Variants in CD247 observed in about 807,000 individuals in gnomAD.
CD247 encodes the protein CD247 molecule.
Under a neutral mutation model 30.0 loss-of-function variants are expected in CD247, and 13 were observed. The observed-to-expected ratio is 0.43, with a 90% CI of 0.28 to 0.69. CD247 has a LOEUF of 0.69. Ranked by LOEUF, CD247 falls within the 30% of genes least tolerant of loss-of-function variation. The pLI is 0.16. For missense variants in CD247, 193 were observed against 212.6 expected, an observed-to-expected ratio of 0.91 and a Z score of 0.57; for synonymous variants, 72 against 80.0, an observed-to-expected ratio of 0.90 and a Z score of 0.53.
rs777515158 is a variant in CD247 at position 167,438,546 on chromosome 1, A to G, written c.300+24T>C. On this transcript the variant is annotated intron_variant, in intron 4 of 7. Transcript: ENST00000362089. The stretch of plus-strand genomic sequence containing the variant: ...AGCCCCACCACACATGCAGGAACAC[A>G]CAGGAAGGTAGAGGAACCCCTACCG... The G allele has an allele frequency of 1.9e-5, 31 of 1,592,480 alleles. No individual in the cohort carries two copies. The East Asian group carries it at 6.9e-4, about 36-fold the overall frequency.
intron 1 of CD247, among the ~76,000 whole-genome samples, chr1:167,464,087 G>A (rs947688403): frequency 1.3e-5 from 2 of 152,024 alleles, no homozygotes; most frequent in Non-Finnish European, 2.9e-5. Flanking sequence ...GTGTTTGATT[G>A]CGCTAGTTTT....
intron 1 of CD247, among the ~76,000 whole-genome samples, chr1:167,476,089 G>A (rs1043777283): frequency 5.3e-5 from 8 of 152,008 alleles, no homozygotes; most frequent in African/African-American, 1.9e-4. Context: ...TTTTCTACAT[G>A]TTGAAACAGG....
At chr1:167,447,639 G>T (rs527377630) in intron 1 of CD247, among the ~76,000 whole-genome samples, 6 of 152,204 alleles carry the variant, frequency 3.9e-5, no homozygotes, top group Admixed American at 3.3e-4. Context: ...CCAAGTCCTG[G>T]TGTTGCTACT....
intron 1 of CD247, among the ~76,000 whole-genome samples, chr1:167,442,329 C>T (rs565245715): frequency 1.6e-4 from 25 of 152,214 alleles, no homozygotes; most frequent in Middle Eastern, 6.8e-3. Flanking sequence ...AAGGCCTGGG[C>T]GCCCTCTGGT....
intron 1 of CD247, among the ~76,000 whole-genome samples, chr1:167,511,057 C>A (rs1655366947): frequency 6.6e-6 from 1 of 152,176 alleles, no homozygotes; most frequent in African/African-American, 2.4e-5. Context: ...ACTACCTGCA[C>A]CGAGCCTGCA....
intron 1 of CD247, among the ~76,000 whole-genome samples, chr1:167,460,871 G>A (rs1652976969): frequency 6.6e-6 from 1 of 152,178 alleles, no homozygotes; most frequent in Admixed American, 6.5e-5. Context: ...CAGGGGGACA[G>A]GGCACACACA....
chr1:167,482,564 C>T (rs1654016356), intron 1 of CD247, among the ~76,000 whole-genome samples: 1 of 152,208 alleles, frequency 6.6e-6, no homozygotes, highest in East Asian at 1.9e-4. Flanking sequence ...CTGGCTGGGG[C>T]CAAGGGCTGA....
intron 1 of CD247, among the ~76,000 whole-genome samples, chr1:167,501,034 G>A (rs1007003773): frequency 6.6e-5 from 10 of 150,762 alleles, no homozygotes; most frequent in Non-Finnish European, 1.5e-4. Flanking sequence ...CCAGCCATCC[G>A]ACTTCTGATC....
chr1:167,465,498 T>G (rs1653204605), intron 1 of CD247, among the ~76,000 whole-genome samples: 1 of 151,876 alleles, frequency 6.6e-6, no homozygotes, highest in Non-Finnish European at 1.5e-5. Context: ...TGGCTAATTT[T>G]TTTTGTATTT....
chr1:167,473,127 C>CACA (rs1489035058), intron 1 of CD247, among the ~76,000 whole-genome samples: 2 of 115,330 alleles, frequency 1.7e-5, no homozygotes, highest in East Asian at 4.9e-4. Flanking sequence ...ACACACACAC[C>CACA]CATCTGTAGT....
rs770311387 is a variant in CD247 at position 167,473,716 on chromosome 1, A to G, written c.59-32949T>C. On this transcript the variant is annotated intron_variant, in intron 1 of 7. Transcript: ENST00000362089. The stretch of plus-strand genomic sequence containing the variant: ...ATGTGTGTCTGGTCAGGGTATAGAA[A>G]CCCCTCACCTAAGCATTCCTGACTG... Among the ~76,000 whole-genome samples the G allele has an allele frequency of 2.4e-4, 36 of 151,962 alleles. 1 individual carries two copies. Among genetic ancestry groups the G allele is most frequent in the Non-Finnish European group, 2.4e-4 (16 of 67,996 alleles).
At chr1:167,492,362 G>T (rs1654492703) in intron 1 of CD247, among the ~76,000 whole-genome samples, 3 of 152,152 alleles carry the variant, frequency 2.0e-5, no homozygotes, top group Admixed American at 2.0e-4. Flanking sequence ...GCGCCAACTA[G>T]ACCAGGAGAC....
intron 1 of CD247, among the ~76,000 whole-genome samples, chr1:167,517,766 G>A (rs1171354356): frequency 6.6e-6 from 1 of 152,200 alleles, no homozygotes; most frequent in Non-Finnish European, 1.5e-5. Flanking sequence ...TGGGTGTGGG[G>A]ACAGCCATGA....
intron 1 of CD247, among the ~76,000 whole-genome samples, chr1:167,492,191 A>T (rs1177790329): frequency 6.6e-6 from 1 of 152,240 alleles, no homozygotes; most frequent in Admixed American, 6.5e-5. Flanking sequence ...AAAAATTAGC[A>T]GCCTGTGCTA....
At chr1:167,488,815 G>A (rs57170836) in intron 1 of CD247, among the ~76,000 whole-genome samples, 4,342 of 152,256 alleles carry the variant, frequency 0.029, 78 homozygotes, top group Middle Eastern at 0.095. Context: ...CTGCATGTGC[G>A]TGCGTGTTTT....
chr1:167,509,783 C>T (rs1044470527), intron 1 of CD247, among the ~76,000 whole-genome samples: 7 of 152,186 alleles, frequency 4.6e-5, no homozygotes, highest in African/African-American at 1.7e-4. Flanking sequence ...CCCCATACAT[C>T]TGGGCTTAGA....
Position 167,493,037 on chromosome 1 carries a change from C to CTTTTTTTTTT in CD247, c.58+25361_58+25370dup, listed in dbSNP as rs60850667. Among the ~76,000 whole-genome samples, 11 of 80,362 alleles carry CTTTTTTTTTT rather than the reference C, an allele frequency of 1.4e-4. 1 individual carries two copies. The highest frequency in any genetic ancestry group is 2.1e-4 in the African/African-American group (4 of 19,190). 52.7% of individuals were successfully genotyped at this position (80,362 alleles called of 152,430 possible). ...TGCCCTATTTTCCCTAATTTTTCTCCTTTTTTTTTTTTTTTTTTTTTTTGA... is the reference window on the plus strand; with the variant it reads ...TGCCCTATTTTCCCTAATTTTTCTCCTTTTTTTTTTTTTTTTTTTTTTTTTTTTTTTTTGA... On this transcript the variant is annotated intron_variant, in intron 1 of 7. Transcript: ENST00000362089.
intron 1 of CD247, among the ~76,000 whole-genome samples, chr1:167,508,023 G>T (rs141423871): frequency 6.6e-6 from 1 of 152,270 alleles, no homozygotes; most frequent in East Asian, 1.9e-4. Flanking sequence ...TAACAGATGT[G>T]TCTTCCAAAC....
At chr1:167,507,214 T>C (rs1359031559) in intron 1 of CD247, among the ~76,000 whole-genome samples, 2 of 151,710 alleles carry the variant, frequency 1.3e-5, no homozygotes, top group African/African-American at 2.4e-5. Context: ...CCACCACGCC[T>C]GGCCTGAATT....
Sources: gnomAD v4.1 joint callset for allele counts (sites outside exome capture counted in the v4.1 genomes callset) on GRCh38, gnomAD v4.1.1 for gene constraint, MANE v1.5 for transcripts, NCBI Gene and HGNC (gene_info 2026-07-23, HGNC 2026-07-21) for gene names.